ARB2A: variants seen among roughly 807,000 people sequenced by gnomAD.
ARB2A encodes cotranscriptional regulator ARB2A.
chr5:93,843,992 C>T, the ARB2A span, among the ~76,000 whole-genome samples: 1 of 151,444 alleles, frequency 6.6e-6, no homozygotes, highest in Admixed American at 6.6e-5. Flanking sequence ...TACATCACTG[C>T]AAAATTTAGA....
chr5:94,081,210 TG>T, the ARB2A span, among the ~76,000 whole-genome samples: 11 of 152,288 alleles, frequency 7.2e-5, no homozygotes, highest in African/African-American at 2.6e-4. Flanking sequence ...GAGAAGAAAC[TG>T]GATACCTGAT....
chr5:93,911,618 G>A, the ARB2A span, among the ~76,000 whole-genome samples: 31 of 142,090 alleles, frequency 2.2e-4, no homozygotes, highest in Non-Finnish European at 4.4e-4. Context: ...GTTGTTTGTG[G>A]CATTAGTCAC....
At chr5:93,779,150 C>T in the ARB2A span, among the ~76,000 whole-genome samples, 3 of 150,648 alleles carry the variant, frequency 2.0e-5, no homozygotes, top group East Asian at 5.9e-4. Flanking sequence ...CGTGCAGGGG[C>T]ATGTGGCATT....
the ARB2A span, among the ~76,000 whole-genome samples, chr5:93,956,718 TG>T: frequency 1.3e-5 from 2 of 150,762 alleles, no homozygotes; most frequent in Non-Finnish European, 1.5e-5. Flanking sequence ...TCTTATTCCC[TG>T]TTTATTAGTC....
At chr5:93,734,642 C>T in the ARB2A span, 3 of 152,058 alleles carry the variant, frequency 2.0e-5, no homozygotes, top group South Asian at 2.1e-4. Context: ...CTATTGGAGT[C>T]GGGAGTTGAA....
chr5:93,632,806 G>T, the ARB2A span, among the ~76,000 whole-genome samples: 1 of 152,150 alleles, frequency 6.6e-6, no homozygotes, highest in Non-Finnish European at 1.5e-5. Context: ...TATGAAGTAG[G>T]AGTTGAAAGA....
the ARB2A span, among the ~76,000 whole-genome samples, chr5:93,928,025 A>G: frequency 6.6e-6 from 1 of 152,034 alleles, no homozygotes; most frequent in South Asian, 2.1e-4. Context: ...TTGGAATACA[A>G]CTTTTAGTCC....
the ARB2A span, among the ~76,000 whole-genome samples, chr5:94,019,560 G>A: frequency 6.6e-6 from 1 of 152,202 alleles, no homozygotes; most frequent in Non-Finnish European, 1.5e-5. Context: ...CTGGTCACTA[G>A]AGAAATGCAA....
the ARB2A span, among the ~76,000 whole-genome samples, chr5:94,048,676 T>A: frequency 6.6e-6 from 1 of 152,184 alleles, no homozygotes; most frequent in African/African-American, 2.4e-5. Flanking sequence ...CAGGATTGTA[T>A]CACAGCTGAC....
At chr5:93,775,334 C>T in the ARB2A span, among the ~76,000 whole-genome samples, 2 of 152,100 alleles carry the variant, frequency 1.3e-5, no homozygotes, top group African/African-American at 4.8e-5. Flanking sequence ...GTTTGTGTTC[C>T]AAACTTTTAC....
At chr5:93,792,625 C>G in the ARB2A span, among the ~76,000 whole-genome samples, 3 of 143,832 alleles carry the variant, frequency 2.1e-5, no homozygotes, top group African/African-American at 7.8e-5. Flanking sequence ...CACGCATGTT[C>G]TCACTCATAG....
the ARB2A span, among the ~76,000 whole-genome samples, chr5:94,072,332 C>A: frequency 1.3e-5 from 2 of 151,732 alleles, no homozygotes; most frequent in African/African-American, 4.8e-5. Context: ...TACATAGGAT[C>A]GAATTGCACA....
the ARB2A span, among the ~76,000 whole-genome samples, chr5:93,972,408 A>G: frequency 3.3e-5 from 5 of 152,202 alleles, no homozygotes; most frequent in Admixed American, 1.3e-4. Context: ...CACCACAGTC[A>G]TACCCACAAG....
chr5:94,100,027 A>C, the ARB2A span, among the ~76,000 whole-genome samples: 11 of 152,198 alleles, frequency 7.2e-5, no homozygotes, highest in African/African-American at 2.7e-4. Context: ...ATGATTCTAT[A>C]TCTAGAAAAC....
the ARB2A span, among the ~76,000 whole-genome samples, chr5:94,054,242 A>G: frequency 6.6e-6 from 1 of 152,168 alleles, no homozygotes; most frequent in Non-Finnish European, 1.5e-5. Context: ...GGCATTATTC[A>G]TATTTCACAA....
chr5:93,629,775 CATTAAT>C, the ARB2A span, among the ~76,000 whole-genome samples: 1 of 152,100 alleles, frequency 6.6e-6, no homozygotes, highest in African/African-American at 2.4e-5. Flanking sequence ...ATATGAAACA[CATTAAT>C]ATTAACAGGA....
the ARB2A span, among the ~76,000 whole-genome samples, chr5:93,981,216 C>T: frequency 6.6e-6 from 1 of 151,964 alleles, no homozygotes; most frequent in East Asian, 1.9e-4. Context: ...TACAGGCCTG[C>T]ACCACCACGC....
chr5:93,830,639 T>C, the ARB2A span, among the ~76,000 whole-genome samples: 2 of 152,080 alleles, frequency 1.3e-5, no homozygotes, highest in East Asian at 3.9e-4. Flanking sequence ...GGGATCCTAT[T>C]TGTCTCATTC....
the ARB2A span, among the ~76,000 whole-genome samples, chr5:94,067,123 T>C: frequency 6.6e-6 from 1 of 152,194 alleles, no homozygotes; most frequent in Non-Finnish European, 1.5e-5. Context: ...GTGAAAGCAT[T>C]TGATAAAATT....
Sources: gnomAD v4.1 joint callset for allele counts (sites outside exome capture counted in the v4.1 genomes callset) on GRCh38, gnomAD v4.1.1 for gene constraint, MANE v1.5 for transcripts, NCBI Gene and HGNC (gene_info 2026-07-23, HGNC 2026-07-21) for gene names.